SLC8A1: variants seen among roughly 807,000 people sequenced by gnomAD.
SLC8A1 encodes the protein solute carrier family 8 member A1.
In SLC8A1, 18 loss-of-function variants were observed where a neutral mutation model predicts 68.3. The observed-to-expected ratio is 0.26, with a 90% CI of 0.18 to 0.39. The LOEUF is 0.39. Ranked by LOEUF, SLC8A1 falls within the 10% of genes least tolerant of loss-of-function variation. The pLI, the probability that SLC8A1 is intolerant of heterozygous loss-of-function variation, is 1.00. For synonymous variants in SLC8A1, 475 were observed against 415.5 expected, an observed-to-expected ratio of 1.14 and a Z score of -1.74; for missense variants, 985 against 1,156.7, an observed-to-expected ratio of 0.85 and a Z score of 2.15.
intron 2 of SLC8A1, among the ~76,000 whole-genome samples, chr2:40,304,569 C>G (rs2072206349): frequency 6.6e-6 from 1 of 152,160 alleles, no homozygotes; most frequent in Admixed American, 6.5e-5. Context: ...CTGGGTTTGG[C>G]ACATGGCCTG....
At chr2:40,405,164 C>T (rs962964870) in intron 2 of SLC8A1, among the ~76,000 whole-genome samples, 10 of 152,114 alleles carry the variant, frequency 6.6e-5, no homozygotes, top group African/African-American at 2.2e-4. Flanking sequence ...CTTCTTAATT[C>T]CCATAAGAAA....
chr2:40,322,366 T>C (rs1297575516), intron 2 of SLC8A1, among the ~76,000 whole-genome samples: 1 of 151,952 alleles, frequency 6.6e-6, no homozygotes, highest in Non-Finnish European at 1.5e-5. Context: ...TCACATTTAA[T>C]GCCTTCACAA....
upstream of SLC8A1, among the ~76,000 whole-genome samples, chr2:40,456,117 C>G (rs975808318): frequency 6.6e-5 from 10 of 152,004 alleles, no homozygotes; most frequent in Non-Finnish European, 1.2e-4. Context: ...GAGATCGAGA[C>G]CATCCTGGCT....
intron 2 of SLC8A1, among the ~76,000 whole-genome samples, chr2:40,264,349 G>T (rs2065083666): frequency 6.6e-6 from 1 of 151,852 alleles, no homozygotes; most frequent in African/African-American, 2.4e-5. Context: ...CCCGTTACTG[G>T]GTATATACCC....
chr2:40,249,382 ACAAAG>A (rs1470321260), intron 2 of SLC8A1, among the ~76,000 whole-genome samples: 1 of 152,216 alleles, frequency 6.6e-6, no homozygotes, highest in African/African-American at 2.4e-5. Context: ...AAGGATAGAA[ACAAAG>A]CAATGTGTCC....
At chr2:40,475,735 T>A (rs940981393) in intron 1 of SLC8A1, among the ~76,000 whole-genome samples, 1 of 152,052 alleles carries the variant, frequency 6.6e-6, no homozygotes, top group Non-Finnish European at 1.5e-5. Context: ...ATAAAGCTCT[T>A]TAGTTGCTGA....
intron 6 of SLC8A1, among the ~76,000 whole-genome samples, chr2:40,140,077 C>T (rs1558499969): frequency 1.3e-5 from 2 of 152,116 alleles, no homozygotes; most frequent in Non-Finnish European, 2.9e-5. Flanking sequence ...TGGAGTTCTA[C>T]TAGGGTTCTT....
At chr2:40,164,742 G>C in intron 5 of SLC8A1, 112 bp downstream of exon 8, 1 of 1,403,906 alleles carries the variant, frequency 7.1e-7, no homozygotes, top group East Asian at 2.3e-5. Context: ...GCCAGTTCCT[G>C]AAATTACATC....
chr2:40,205,901 T>C (rs1283344960), intron 2 of SLC8A1, among the ~76,000 whole-genome samples: 1 of 151,172 alleles, frequency 6.6e-6, no homozygotes, highest in Non-Finnish European at 1.5e-5. Flanking sequence ...GGCCCATGGG[T>C]GCAGGGATCA....
intron 2 of SLC8A1, among the ~76,000 whole-genome samples, chr2:40,314,640 A>G (rs535382150): frequency 6.6e-6 from 1 of 151,632 alleles, no homozygotes; most frequent in Non-Finnish European, 1.5e-5. Flanking sequence ...TGTGAAAGGC[A>G]TATCTGTCTA....
chr2:40,418,685 G>A (rs73926212), intron 2 of SLC8A1, among the ~76,000 whole-genome samples: 7,319 of 152,216 alleles, frequency 0.048, 490 homozygotes, highest in African/African-American at 0.15. Context: ...CGAAGTAGAA[G>A]ACAAAACTCT....
At chr2:40,359,313 C>T (rs1006722194) in intron 2 of SLC8A1, among the ~76,000 whole-genome samples, 2 of 151,982 alleles carry the variant, frequency 1.3e-5, no homozygotes, top group African/African-American at 4.8e-5. Context: ...ATTAATTTCA[C>T]CTATTTATTT....
At chr2:40,323,913 A>G (rs540313175) in intron 2 of SLC8A1, among the ~76,000 whole-genome samples, 20 of 152,226 alleles carry the variant, frequency 1.3e-4, no homozygotes, top group African/African-American at 3.8e-4. Context: ...TAAAAAAATT[A>G]TAAGAATTTT....
At chr2:40,343,662 C>T (rs1357882790) in intron 2 of SLC8A1, among the ~76,000 whole-genome samples, 1 of 151,762 alleles carries the variant, frequency 6.6e-6, no homozygotes, top group Non-Finnish European at 1.5e-5. Context: ...TTTTAAAGCA[C>T]AGATTATTAT....
At chr2:40,432,574 G>T (rs1325766300) in intron 1 of SLC8A1, among the ~76,000 whole-genome samples, 1 of 151,382 alleles carries the variant, frequency 6.6e-6, no homozygotes, top group Non-Finnish European at 1.5e-5. Context: ...TCCAGCAAGT[G>T]CAAAGGTCCT....
At chr2:40,154,484 CT>C (rs869231195) in intron 6 of SLC8A1, among the ~76,000 whole-genome samples, 10 of 46,190 alleles carry the variant, frequency 2.2e-4, no homozygotes, top group South Asian at 1.3e-3. Flanking sequence ...TTTTTCTTTT[CT>C]TTTTTTTTTT....
intron 2 of SLC8A1, among the ~76,000 whole-genome samples, chr2:40,237,216 A>C (rs980115952): frequency 6.6e-6 from 1 of 152,118 alleles, no homozygotes; most frequent in African/African-American, 2.4e-5. Flanking sequence ...ACTTGGTTCC[A>C]TTGTCCCCAT....
chr2:40,154,856 G>A (rs1041143841), intron 6 of SLC8A1, among the ~76,000 whole-genome samples: 1 of 151,854 alleles, frequency 6.6e-6, no homozygotes, highest in African/African-American at 2.4e-5. Context: ...GTAGAGATGG[G>A]GTTTCACTAT....
chr2:40,332,441 G>GA (rs1163856726), intron 2 of SLC8A1, among the ~76,000 whole-genome samples: 6 of 149,874 alleles, frequency 4.0e-5, no homozygotes, highest in Non-Finnish European at 8.9e-5. Context: ...ACGGGGGCGG[G>GA]GGGCGGTGTT....
Sources: gnomAD v4.1 joint callset for allele counts (sites outside exome capture counted in the v4.1 genomes callset) on GRCh38, gnomAD v4.1.1 for gene constraint, MANE v1.5 for transcripts, NCBI Gene and HGNC (gene_info 2026-07-23, HGNC 2026-07-21) for gene names.